Variants in ADCY9 observed in about 807,000 individuals in gnomAD.
ADCY9 encodes the protein adenylate cyclase type 9.
In ADCY9, 50 loss-of-function variants were observed where a neutral mutation model predicts 101.5. The observed-to-expected ratio is 0.49, with a 90% CI of 0.39 to 0.62. The LOEUF (loss-of-function observed/expected upper bound fraction) is 0.62, where lower values mean the gene tolerates loss of function less well. ADCY9 is among the 20% of genes least tolerant of loss of function. The pLI is 0.00. For synonymous variants in ADCY9, 905 were observed against 769.3 expected (o/e 1.18, Z -2.92); for missense variants, 1,662 against 1,800.4 (o/e 0.92, Z 1.39).
At chr16:4,011,509 C>T (rs1460816395) in intron 2 of ADCY9, among the ~76,000 whole-genome samples, 5 of 152,188 alleles carry the variant, frequency 3.3e-5, no homozygotes, top group African/African-American at 7.2e-5. Context: ...ACAGTGGAAA[C>T]GGGAAACCTA....
chr16:3,958,390 A>G (rs1202512599), downstream of ADCY9, among the ~76,000 whole-genome samples: 1 of 151,870 alleles, frequency 6.6e-6, no homozygotes, highest in Non-Finnish European at 1.5e-5. Flanking sequence ...AATACAAAAA[A>G]TTAGCCGGGT....
intron 2 of ADCY9, among the ~76,000 whole-genome samples, chr16:4,073,196 G>C (rs1444200841): frequency 6.8e-6 from 1 of 147,498 alleles, no homozygotes; most frequent in African/African-American, 2.5e-5. Flanking sequence ...CTGGGTTCAA[G>C]TAATTCTCCT....
chr16:4,040,655 C>T (rs2056620655), intron 2 of ADCY9, among the ~76,000 whole-genome samples: 1 of 152,088 alleles, frequency 6.6e-6, no homozygotes, highest in Non-Finnish European at 1.5e-5. Flanking sequence ...CGAGATTTCA[C>T]CATGTTGGCC....
At chr16:4,069,463 T>C (rs2056820305) in intron 2 of ADCY9, among the ~76,000 whole-genome samples, 1 of 151,980 alleles carries the variant, frequency 6.6e-6, no homozygotes, top group Non-Finnish European at 1.5e-5. Context: ...AGACACTTGG[T>C]GCCGAGTCTG....
At chr16:4,084,475 C>CA (rs1335959441) in intron 2 of ADCY9, among the ~76,000 whole-genome samples, 20 of 152,008 alleles carry the variant, frequency 1.3e-4, no homozygotes, top group African/African-American at 4.8e-4. Flanking sequence ...CCTGTAATCT[C>CA]AACACTCTGG....
intron 3 of ADCY9, among the ~76,000 whole-genome samples, chr16:4,002,485 A>C (rs2531967): frequency 6.6e-6 from 1 of 152,132 alleles, no homozygotes; most frequent in South Asian, 2.1e-4. Flanking sequence ...TCCTCTCTGA[A>C]TCATCCCCGT....
Position 3,983,290 on chromosome 16 carries a change from G to T in ADCY9, c.2461C>A (p.Leu821Met). The change falls in exon 7 of 11, where the codon CTG (leucine) becomes ATG (methionine). Residue 821 changes from leucine to methionine, a missense_variant. Coordinates refer to ENST00000294016, the MANE Select transcript of ADCY9 (RefSeq NM_001116.4). ...AGCAGGGCTGCACTGAAGACCGCCA[G>T]GGCGGCGGGCGGGGGAGGCACGGTG... The part of the protein sequence containing the change: ...AATVPPPPAA[L>M]AVFSAALLLE... The T allele has an allele frequency of 6.4e-7, 1 of 1,559,480 alleles. No individual in the cohort carries two copies. Among genetic ancestry groups the T allele is most frequent in the Non-Finnish European group, 8.7e-7 (1 of 1,152,000 alleles).
chr16:4,027,006 G>T (rs2056520346), intron 2 of ADCY9, among the ~76,000 whole-genome samples: 2 of 152,150 alleles, frequency 1.3e-5, no homozygotes, highest in South Asian at 2.1e-4. Flanking sequence ...AACCAGACTG[G>T]TCCCAGGCCA....
chr16:4,070,120 ATGTGTGTG>A (rs58833048), intron 2 of ADCY9, among the ~76,000 whole-genome samples: 58 of 149,682 alleles, frequency 3.9e-4, no homozygotes, highest in African/African-American at 1.4e-3. Context: ...ATGTGTGTGT[ATGTGTGTG>A]TGTGTGTGTG....
At chr16:4,084,184 T>A (rs1260523468) in intron 2 of ADCY9, among the ~76,000 whole-genome samples, 2 of 152,108 alleles carry the variant, frequency 1.3e-5, no homozygotes, top group African/African-American at 4.8e-5. Flanking sequence ...CAATCTCGGC[T>A]CACAGCAACC....
intron 3 of ADCY9, among the ~76,000 whole-genome samples, chr16:4,005,568 T>C (rs1261235431): frequency 3.3e-5 from 5 of 152,170 alleles, no homozygotes; most frequent in African/African-American, 1.2e-4. Context: ...TCAGAAACTT[T>C]CAACAATATT....
Position 3,965,961 on chromosome 16 carries a change from A to G in ADCY9, c.3876T>C (p.Ser1292=). Residue 1292 remains serine, a synonymous_variant, in exon 11 of 11, where the codon TCT becomes TCC. Transcript: ENST00000294016. ...CCTGCGTGCTGCTGTCAGAACCCAG[A>G]GATGTCTTGTCCACATACTGGACAG... ...VPSVQYVDKT[S]LGSDSSTQAK... is the part of the protein sequence containing the mutation. 1 of 1,614,178 alleles carries G rather than the reference A, an allele frequency of 6.2e-7. No homozygotes were observed. Among genetic ancestry groups the G allele is most frequent in the Non-Finnish European group, 8.5e-7 (1 of 1,180,038 alleles).
intron 2 of ADCY9, among the ~76,000 whole-genome samples, chr16:4,089,231 T>C (rs941081434): frequency 6.6e-6 from 1 of 151,986 alleles, no homozygotes; most frequent in Non-Finnish European, 1.5e-5. Flanking sequence ...CATGCCACCA[T>C]GCCTGGCTAA....
intron 7 of ADCY9, chr16:3,981,964 G>C (rs1282353895): frequency 6.6e-6 from 1 of 152,254 alleles, no homozygotes; most frequent in African/African-American, 2.4e-5. Context: ...TGTCTGGTTT[G>C]GGTTCTGGGG....
intron 10 of ADCY9, among the ~76,000 whole-genome samples, chr16:3,970,298 T>C (rs2056039500): frequency 2.0e-5 from 3 of 152,186 alleles, no homozygotes; most frequent in South Asian, 2.1e-4. Context: ...CCCCAAGTGC[T>C]GGGATTACAG....
At chr16:4,075,693 T>C (rs1214373682) in intron 2 of ADCY9, among the ~76,000 whole-genome samples, 1 of 151,974 alleles carries the variant, frequency 6.6e-6, no homozygotes, top group Non-Finnish European at 1.5e-5. Context: ...CAAAGACCCA[T>C]TAACGCAAAA....
At position 3,993,417 on chromosome 16, in the gene ADCY9, T is replaced by G. The variant is rs2056262571; in HGVS notation, c.1978A>C (p.Asn660His). The G allele has an allele frequency of 3.7e-6, 6 of 1,614,138 alleles. No homozygotes were observed. Among genetic ancestry groups the G allele is most frequent in the Non-Finnish European group, 5.1e-6 (6 of 1,179,956 alleles). The change falls in exon 4 of 11, where the codon AAC becomes CAC. Residue 660 changes from asparagine (N) to histidine (H), a missense_variant. By Grantham distance (68) the Asn-to-His change is moderately conservative. Around this residue, in one of 5 missense-constraint regions of ADCY9, gnomAD observed 624 missense variants for 639.1 expected, o/e 0.98. Coordinates refer to ENST00000294016, the MANE Select transcript of ADCY9 (RefSeq NM_001116.4). ...PQNGCQDEHK[N>H]STKASGGPNP... ...CATGAGCTTGTTACCTTGGTGCTGTTTTTATGCTCGTCTTGGCAGCCGTTT... is the reference window on the plus strand; with the variant it reads ...CATGAGCTTGTTACCTTGGTGCTGTGTTTATGCTCGTCTTGGCAGCCGTTT...
In ADCY9 at chr16:3,993,490, G is replaced by T; in HGVS notation, c.1905C>A (p.Ile635=). The change falls in exon 4 of 11, where the codon ATC becomes ATA. Residue 635 remains isoleucine, a synonymous_variant. Coordinates refer to ENST00000294016, the MANE Select transcript of ADCY9 (RefSeq NM_001116.4). ...DNLKTCPSCG[I]TFAPKSEAGA... is the part of the protein sequence containing the mutation. Reference sequence around the variant, plus strand: ...CGGCTTCAGATTTGGGAGCAAATGTGATTCCGCACGAAGGGCAGGTCTAGA... The same window carrying T: ...CGGCTTCAGATTTGGGAGCAAATGTTATTCCGCACGAAGGGCAGGTCTAGA... The T allele has an allele frequency of 1.2e-6, 2 of 1,614,134 alleles. 1 individual carries two copies. The highest frequency in any genetic ancestry group is 1.7e-6 in the Non-Finnish European group (2 of 1,180,036).
intron 2 of ADCY9, among the ~76,000 whole-genome samples, chr16:4,048,310 G>A (rs976432801): frequency 6.6e-6 from 1 of 152,138 alleles, no homozygotes; most frequent in African/African-American, 2.4e-5. Context: ...ACCATGCATT[G>A]TTCAAATTTC....
Sources: gnomAD v4.1 joint callset for allele counts (sites outside exome capture counted in the v4.1 genomes callset) on GRCh38, gnomAD v4.1.1 for gene constraint, gnomAD v4.1.1 regional missense constraint, MANE v1.5 for transcripts, NCBI Gene and HGNC (gene_info 2026-07-23, HGNC 2026-07-21) for gene names.